WWOX: variants seen among roughly 807,000 people sequenced by gnomAD.
The protein encoded by WWOX is WW domain-containing oxidoreductase.
A neutral mutation model predicts 46.2 loss-of-function variants in WWOX; 69 were observed. The observed-to-expected ratio is 1.49, with a 90% CI of 1.23 to 1.82. WWOX has a LOEUF of 1.82. Ranked by LOEUF, WWOX falls within the 40% of genes most tolerant of loss-of-function variation. The pLI is 0.00. For missense variants in WWOX, 919 were observed against 542.6 expected, an observed-to-expected ratio of 1.69 and a Z score of -6.89; for synonymous variants, 359 against 202.6, an observed-to-expected ratio of 1.77 and a Z score of -6.56.
intron 5 of WWOX, among the ~76,000 whole-genome samples, chr16:78,310,297 G>A (rs1314199730): frequency 1.3e-5 from 2 of 152,244 alleles, no homozygotes; most frequent in South Asian, 2.1e-4. Context: ...GTGCTTCTGG[G>A]CTTTGTCTCA....
chr16:78,697,353 C>T (rs1162609811), intron 8 of WWOX, among the ~76,000 whole-genome samples: 1 of 152,112 alleles, frequency 6.6e-6, no homozygotes, highest in Admixed American at 6.6e-5. Flanking sequence ...TGGTAATGGC[C>T]ATTCTTGCAG....
At chr16:79,167,235 C>G (rs2050612632) in intron 8 of WWOX, among the ~76,000 whole-genome samples, 1 of 152,158 alleles carries the variant, frequency 6.6e-6, no homozygotes, top group South Asian at 2.1e-4. Context: ...AACCACCATG[C>G]CCGGCCATCA....
intron 8 of WWOX, among the ~76,000 whole-genome samples, chr16:78,762,667 A>G (rs575860293): frequency 6.6e-6 from 1 of 152,238 alleles, no homozygotes; most frequent in South Asian, 2.1e-4. Flanking sequence ...CTCCTAAGCT[A>G]ATTGGGAGGC....
chr16:79,110,335 C>T (rs1393795853), intron 8 of WWOX, among the ~76,000 whole-genome samples: 2 of 152,106 alleles, frequency 1.3e-5, no homozygotes, highest in African/African-American at 4.8e-5. Context: ...ATGCCCCTGC[C>T]AACCTCCCCC....
Position 79,167,195 on chromosome 16 carries a change from G to C in WWOX, c.1057-44413G>C, listed in dbSNP as rs546112125. On this transcript the variant is annotated intron_variant, in intron 8 of 8. Transcript: ENST00000566780. ...GTGCTCGAGCAATCCACCCACCTCGGCCTCCCAAAATGCTGGGATAACAGG... is the reference window on the plus strand; with the variant it reads ...GTGCTCGAGCAATCCACCCACCTCGCCCTCCCAAAATGCTGGGATAACAGG... 7.2e-5 allele frequency among the ~76,000 whole-genome samples: 11 copies of C among 152,186 alleles called. No individual in the cohort carries two copies. In the East Asian group the frequency reaches 2.1e-3, roughly 29 times the overall value.
At chr16:78,278,454 A>C in intron 5 of WWOX, 2 of 721,242 alleles carry the variant, frequency 2.8e-6, no homozygotes, top group Non-Finnish European at 2.3e-6. Context: ...CTGCAATTAA[A>C]TAGGAGGTGT....
chr16:79,090,335 T>C (rs1204833381), intron 8 of WWOX, among the ~76,000 whole-genome samples: 2 of 150,532 alleles, frequency 1.3e-5, no homozygotes, highest in Non-Finnish European at 3.0e-5. Flanking sequence ...ATGTGTTGCA[T>C]TGGTGTCTAA....
intron 8 of WWOX, among the ~76,000 whole-genome samples, chr16:78,703,111 C>G (rs566629067): frequency 6.6e-6 from 1 of 152,080 alleles, no homozygotes; most frequent in Non-Finnish European, 1.5e-5. Context: ...AGGGACCTTG[C>G]TTTTAGTCAG....
At chr16:78,528,520 G>A (rs949409944) in intron 8 of WWOX, among the ~76,000 whole-genome samples, 1 of 152,078 alleles carries the variant, frequency 6.6e-6, no homozygotes, top group Admixed American at 6.6e-5. Flanking sequence ...AATTAATGCT[G>A]CTGTTATCAT....
chr16:78,124,779 T>C (rs2033287281), intron 4 of WWOX, among the ~76,000 whole-genome samples: 1 of 152,198 alleles, frequency 6.6e-6, no homozygotes, highest in African/African-American at 2.4e-5. Context: ...GTTTTACTTT[T>C]TGTGATTTTT....
chr16:79,164,188 CTGTT>C (rs1403723606), intron 8 of WWOX, among the ~76,000 whole-genome samples: 1 of 152,146 alleles, frequency 6.6e-6, no homozygotes, highest in African/African-American at 2.4e-5. Context: ...ACTTTCATGT[CTGTT>C]TGACGTGTTT....
At chr16:78,356,035 C>G (rs768701993) in intron 5 of WWOX, among the ~76,000 whole-genome samples, 1 of 115,776 alleles carries the variant, frequency 8.6e-6, no homozygotes, top group Non-Finnish European at 1.8e-5. Context: ...TTCTCAAGCT[C>G]TTCCAATAAA....
At chr16:78,693,585 A>C (rs1434852307) in intron 8 of WWOX, among the ~76,000 whole-genome samples, 1 of 152,212 alleles carries the variant, frequency 6.6e-6, no homozygotes, top group Non-Finnish European at 1.5e-5. Flanking sequence ...GCCCTCCTCT[A>C]GGGCAGTGGA....
chr16:79,209,047 G>A (rs1005918761), intron 8 of WWOX, among the ~76,000 whole-genome samples: 3 of 151,956 alleles, frequency 2.0e-5, no homozygotes, highest in Non-Finnish European at 4.4e-5. Context: ...TGTGTACTGT[G>A]TTCTACAAAG....
At chr16:78,374,860 A>G (rs550848842) in intron 5 of WWOX, among the ~76,000 whole-genome samples, 14 of 151,944 alleles carry the variant, frequency 9.2e-5, no homozygotes, top group Non-Finnish European at 1.8e-4. Context: ...CTGTTTTTGC[A>G]TTTTTAGTAG....
At chr16:78,958,542 T>C (rs1427947284) in intron 8 of WWOX, among the ~76,000 whole-genome samples, 1 of 152,240 alleles carries the variant, frequency 6.6e-6, no homozygotes, top group African/African-American at 2.4e-5. Flanking sequence ...TGGGAAGTTA[T>C]GGTGCCTTGC....
chr16:78,554,116 C>A lies in WWOX; in HGVS notation c.1056+121364C>A, dbSNP rs530981380. The stretch of plus-strand genomic sequence containing the variant: ...CAGGCTAAACCATGTGGCACCCCTT[C>A]CCTCTTATCAGCTTCTTGCTACCAT... On this transcript the variant is annotated intron_variant, in intron 8 of 8. Coordinates refer to ENST00000566780, the MANE Select transcript of WWOX (RefSeq NM_016373.4). Among the ~76,000 whole-genome samples, 7 of 152,278 alleles carry A rather than the reference C, an allele frequency of 4.6e-5. No homozygotes were observed. The East Asian group carries it at 1.4e-3, about 29-fold the overall frequency.
intron 8 of WWOX, among the ~76,000 whole-genome samples, chr16:78,701,562 C>T (rs8053093): frequency 0.11 from 16,871 of 151,880 alleles, 3,189 homozygotes; most frequent in African/African-American, 0.39. Flanking sequence ...TTTTTCCCAG[C>T]CTCCCCCCGA....
intron 5 of WWOX, among the ~76,000 whole-genome samples, chr16:78,181,683 A>G (rs1308413117): frequency 1.8e-4 from 27 of 152,136 alleles, no homozygotes; most frequent in Admixed American, 1.8e-3. Context: ...TTTTCTTGCT[A>G]TAAAGAGAGT....
Sources: allele counts gnomAD v4.1 joint callset (sites outside exome capture counted in the v4.1 genomes callset), GRCh38; gene constraint gnomAD v4.1.1; transcripts MANE v1.5; gene names NCBI Gene and HGNC (gene_info 2026-07-23, HGNC 2026-07-21).